SEMA3C: variants seen among roughly 807,000 people sequenced by gnomAD.
The protein encoded by SEMA3C is semaphorin 3C, also known as semaphorin-3C.
SEMA3C carries 47 observed loss-of-function variants against 89.4 expected under a neutral mutation model. The observed-to-expected ratio is 0.53, with a 90% CI of 0.42 to 0.67. The LOEUF (loss-of-function observed/expected upper bound fraction) is 0.67, where lower values mean the gene tolerates loss of function less well. Ranked by LOEUF, SEMA3C falls within the 30% of genes least tolerant of loss-of-function variation. SEMA3C has a pLI of 0.00. For missense variants in SEMA3C, 839 were observed against 929.1 expected (o/e 0.90, Z 1.26); for synonymous variants, 310 against 320.2 (o/e 0.97, Z 0.34).
intron 4 of SEMA3C, among the ~76,000 whole-genome samples, chr7:80,820,169 T>G (rs1789711458): frequency 6.6e-6 from 1 of 151,408 alleles, no homozygotes; most frequent in Non-Finnish European, 1.5e-5. Context: ...GTGATTCTCC[T>G]GCCTCAGCCT....
At chr7:80,821,421 T>G (rs1168499394) in intron 4 of SEMA3C, among the ~76,000 whole-genome samples, 2 of 152,196 alleles carry the variant, frequency 1.3e-5, no homozygotes, top group Non-Finnish European at 2.9e-5. Context: ...CACAGTTGTT[T>G]TTTTTTGGGG....
chr7:80,785,828 A>C (rs572807024), intron 12 of SEMA3C, among the ~76,000 whole-genome samples: 1 of 152,292 alleles, frequency 6.6e-6, no homozygotes, highest in East Asian at 1.9e-4. Flanking sequence ...GGCTGGTCTC[A>C]AACTCCCGAC....
Position 80,814,379 on chromosome 7 carries a change from C to T in SEMA3C, c.448-3678G>A, listed in dbSNP as rs146199668. ...CTGTGATTACAGGCGTGAGCCACCG[C>T]GCCCAGCCCTGCCTGTTCTTTTTAG... On this transcript the variant is annotated intron_variant, in intron 5 of 17. Coordinates refer to ENST00000265361, the MANE Select transcript of SEMA3C (RefSeq NM_006379.5). Among the ~76,000 whole-genome samples the T allele has an allele frequency of 3.5e-4, 53 of 152,226 alleles. No individual in the cohort carries two copies. In the East Asian group the frequency reaches 4.8e-3, roughly 14 times the overall value.
chr7:80,850,788 G>A (rs984754482), intron 2 of SEMA3C, among the ~76,000 whole-genome samples: 1 of 152,164 alleles, frequency 6.6e-6, no homozygotes, highest in African/African-American at 2.4e-5. Flanking sequence ...AAAAGAAAGA[G>A]TATTAAATCG....
At chr7:80,757,059 T>C (rs1361472057) in intron 15 of SEMA3C, among the ~76,000 whole-genome samples, 1 of 152,190 alleles carries the variant, frequency 6.6e-6, no homozygotes, top group Non-Finnish European at 1.5e-5. Context: ...AGTGAAAATA[T>C]TTGTTGAACT....
intron 2 of SEMA3C, among the ~76,000 whole-genome samples, chr7:80,858,249 G>A (rs537322676): frequency 1.4e-4 from 22 of 151,992 alleles, no homozygotes; most frequent in South Asian, 6.2e-4. Context: ...CTTTGGGTGC[G>A]GCTCAAAATG....
intron 10 of SEMA3C, among the ~76,000 whole-genome samples, chr7:80,799,931 C>T (rs1394252497): frequency 6.6e-6 from 1 of 150,808 alleles, no homozygotes; most frequent in African/African-American, 2.4e-5. Context: ...GCTGGCGGAT[C>T]ACGAGGTCAG....
intron 8 of SEMA3C, among the ~76,000 whole-genome samples, chr7:80,803,495 A>G (rs544694253): frequency 6.6e-6 from 1 of 152,306 alleles, no homozygotes; most frequent in East Asian, 1.9e-4. Context: ...ATTTTTTCAC[A>G]AAGGATGCTA....
At chr7:80,873,972 C>T (rs1461681466) in intron 2 of SEMA3C, among the ~76,000 whole-genome samples, 2 of 152,232 alleles carry the variant, frequency 1.3e-5, no homozygotes, top group Admixed American at 6.5e-5. Flanking sequence ...CCTCTTGCAA[C>T]TCAACTTACC....
At chr7:80,872,797 CAAAAAAAAAAAA>C (rs1218885274) in intron 2 of SEMA3C, among the ~76,000 whole-genome samples, 6 of 40,092 alleles carry the variant, frequency 1.5e-4, no homozygotes, top group Admixed American at 2.8e-4. Context: ...GAGACTCTGT[CAAAAAAAAAAAA>C]AAAAAAAAAA....
At chr7:80,892,601 T>C (rs1026751126) in intron 2 of SEMA3C, among the ~76,000 whole-genome samples, 8 of 152,110 alleles carry the variant, frequency 5.3e-5, no homozygotes, top group Admixed American at 1.3e-4. Context: ...ACAGACACTA[T>C]AGAAAAGCTG....
At chr7:80,886,149 A>G (rs1318611307) in intron 2 of SEMA3C, among the ~76,000 whole-genome samples, 1 of 152,160 alleles carries the variant, frequency 6.6e-6, no homozygotes, top group Non-Finnish European at 1.5e-5. Flanking sequence ...ATTCTATCTA[A>G]TAGAAAAGAC....
intron 2 of SEMA3C, among the ~76,000 whole-genome samples, chr7:80,847,085 A>C (rs1343183341): frequency 6.6e-6 from 1 of 152,178 alleles, no homozygotes; most frequent in Non-Finnish European, 1.5e-5. Context: ...AGGAAACTTC[A>C]GAATAGTTTA....
chr7:80,858,859 T>A (rs894490752), intron 2 of SEMA3C, among the ~76,000 whole-genome samples: 1 of 152,092 alleles, frequency 6.6e-6, no homozygotes, highest in Non-Finnish European at 1.5e-5. Flanking sequence ...TCGAGGTAAT[T>A]CTCCATATGA....
At chr7:80,831,493 T>C (rs1042928289) in intron 2 of SEMA3C, among the ~76,000 whole-genome samples, 2 of 152,206 alleles carry the variant, frequency 1.3e-5, no homozygotes, top group African/African-American at 2.4e-5. Context: ...CAATTTCTTA[T>C]GCAGGGAGGA....
intron 2 of SEMA3C, among the ~76,000 whole-genome samples, chr7:80,848,449 C>T (rs185886581): frequency 8.1e-4 from 124 of 152,222 alleles, no homozygotes; most frequent in African/African-American, 2.9e-3. Flanking sequence ...ATCTACTAGA[C>T]GATAACTTGA....
intron 11 of SEMA3C, 86 bp downstream of exon 11, chr7:80,798,006 A>C (rs118132404): frequency 0.012 from 15,919 of 1,374,320 alleles, 452 homozygotes; most frequent in Admixed American, 0.096. Flanking sequence ...TCAAAAAAAA[A>C]CCCCAAAAAA....
intron 2 of SEMA3C, among the ~76,000 whole-genome samples, chr7:80,906,177 G>A (rs1792011086): frequency 6.6e-6 from 1 of 152,078 alleles, no homozygotes; most frequent in Non-Finnish European, 1.5e-5. Flanking sequence ...ATACAGATAC[G>A]TATGTATCTT....
chr7:80,909,710 T>C (rs189834915), intron 2 of SEMA3C, among the ~76,000 whole-genome samples: 108 of 152,246 alleles, frequency 7.1e-4, no homozygotes, highest in Middle Eastern at 3.4e-3. Flanking sequence ...CTGATGTACA[T>C]AGCACATCAA....
Sources: allele counts gnomAD v4.1 joint callset (sites outside exome capture counted in the v4.1 genomes callset), GRCh38; gene constraint gnomAD v4.1.1; transcripts MANE v1.5; gene names NCBI Gene and HGNC (gene_info 2026-07-23, HGNC 2026-07-21).